Variants in THRB observed in about 807,000 individuals in gnomAD.
THRB encodes nuclear receptor subfamily 1 group A member 2.
In THRB, 12 loss-of-function variants were observed where a neutral mutation model predicts 47.8. The ratio of observed to expected loss-of-function variants is 0.25; its 90% CI spans 0.16 to 0.41. The LOEUF (loss-of-function observed/expected upper bound fraction) is 0.41. Among genes scored for constraint, THRB ranks in the 10% least tolerant of loss-of-function variants. THRB has a pLI of 1.00. For synonymous variants in THRB, 218 were observed against 212.2 expected, an observed-to-expected ratio of 1.03 and a Z score of -0.24; for missense variants, 348 against 589.2, an observed-to-expected ratio of 0.59 and a Z score of 4.24.
intron 5 of THRB, chr3:24,165,290 T>C (rs1458723445): frequency 2.6e-6 from 2 of 765,170 alleles, no homozygotes; most frequent in Admixed American, 3.4e-5. Context: ...ATCAGTGGAC[T>C]GCATGTAGCA....
chr3:24,445,010 C>T (rs1464243183), intron 1 of THRB, among the ~76,000 whole-genome samples: 2 of 151,990 alleles, frequency 1.3e-5, no homozygotes, highest in African/African-American at 2.4e-5. Flanking sequence ...CAGAAACAGG[C>T]TATAATACAA....
intron 1 of THRB, among the ~76,000 whole-genome samples, chr3:24,384,238 A>G (rs2065916637): frequency 6.6e-6 from 1 of 152,148 alleles, no homozygotes. Flanking sequence ...ATACCTCTGC[A>G]GAATGAGCCC....
chr3:24,172,395 G>A (rs532778160), intron 5 of THRB, among the ~76,000 whole-genome samples: 83 of 152,162 alleles, frequency 5.5e-4, no homozygotes, highest in Admixed American at 1.3e-3. Context: ...GGCCTCTTGG[G>A]CTCTTGAATT....
intron 5 of THRB, among the ~76,000 whole-genome samples, chr3:24,164,851 C>G (rs1385314696): frequency 6.6e-6 from 1 of 152,194 alleles, no homozygotes; most frequent in Non-Finnish European, 1.5e-5. Flanking sequence ...GCTTGGAAAT[C>G]TTGATGTTCA....
intron 3 of THRB, among the ~76,000 whole-genome samples, chr3:24,241,987 C>T (rs1346089977): frequency 1.3e-5 from 2 of 152,152 alleles, no homozygotes; most frequent in Non-Finnish European, 2.9e-5. Context: ...AGTTAGCACA[C>T]TGATCAGTGC....
At chr3:24,443,294 T>C (rs1010355965) in intron 1 of THRB, among the ~76,000 whole-genome samples, 1 of 152,090 alleles carries the variant, frequency 6.6e-6, no homozygotes, top group African/African-American at 2.4e-5. Flanking sequence ...GAAAACAATC[T>C]GACAACAACA....
chr3:24,260,890 A>C (rs564283202), intron 3 of THRB, among the ~76,000 whole-genome samples: 1 of 152,336 alleles, frequency 6.6e-6, no homozygotes, highest in East Asian at 1.9e-4. Flanking sequence ...CACAGATCAG[A>C]CTTTACATCA....
intron 3 of THRB, among the ~76,000 whole-genome samples, chr3:24,260,744 C>T (rs1373949534): frequency 6.6e-6 from 1 of 152,230 alleles, no homozygotes; most frequent in African/African-American, 2.4e-5. Flanking sequence ...AACAACTTCC[C>T]TCCAGTCTTC....
At chr3:24,234,893 T>C (rs772401634) in intron 3 of THRB, among the ~76,000 whole-genome samples, 2 of 152,062 alleles carry the variant, frequency 1.3e-5, no homozygotes. Context: ...ACACTGCAAA[T>C]GTAGTTTCAG....
At chr3:24,361,831 CAT>C (rs2064092980) in intron 1 of THRB, among the ~76,000 whole-genome samples, 1 of 152,208 alleles carries the variant, frequency 6.6e-6, no homozygotes, top group African/African-American at 2.4e-5. Flanking sequence ...AAATATACCA[CAT>C]GTTGAATTTG....
chr3:24,272,032 G>T (rs944830876), intron 3 of THRB, among the ~76,000 whole-genome samples: 11 of 152,130 alleles, frequency 7.2e-5, no homozygotes, highest in African/African-American at 2.7e-4. Flanking sequence ...GGATGGATAG[G>T]ATTGCGGACA....
At chr3:24,392,210 T>A (rs1208061539) in intron 1 of THRB, among the ~76,000 whole-genome samples, 1 of 152,168 alleles carries the variant, frequency 6.6e-6, no homozygotes, top group African/African-American at 2.4e-5. Context: ...TTTGGCTATT[T>A]TTTTCCCAGA....
intron 3 of THRB, among the ~76,000 whole-genome samples, chr3:24,283,334 A>T (rs1458341507): frequency 6.6e-6 from 1 of 152,310 alleles, no homozygotes; most frequent in African/African-American, 2.4e-5. Flanking sequence ...GACAAAAACC[A>T]CGTGATTATC....
At chr3:24,182,720 A>T (rs188665080) in intron 5 of THRB, among the ~76,000 whole-genome samples, 1 of 152,284 alleles carries the variant, frequency 6.6e-6, no homozygotes, top group East Asian at 1.9e-4. Context: ...CAGACGAGAA[A>T]ACTGAGGCTC....
intron 2 of THRB, among the ~76,000 whole-genome samples, chr3:24,314,210 G>T (rs1446568310): frequency 1.3e-5 from 2 of 152,198 alleles, no homozygotes; most frequent in African/African-American, 2.4e-5. Flanking sequence ...GAAGAAGCAG[G>T]TCTGCATCCA....
In THRB at chr3:24,357,623, T is replaced by C. The variant is rs1395031511; in HGVS notation, c.-260-20252A>G. Among the ~76,000 whole-genome samples, 9 of 152,186 alleles carry C rather than the reference T, an allele frequency of 5.9e-5. No individual in the cohort carries two copies. In the East Asian group the frequency reaches 1.7e-3, roughly 29 times the overall value. ...TTCATATTATAATGTTATCTATCTTTCTCATTTTGTTTGGCCCTTAATTTG... is the reference window on the plus strand; with the variant it reads ...TTCATATTATAATGTTATCTATCTTCCTCATTTTGTTTGGCCCTTAATTTG... On this transcript the variant is annotated intron_variant, in intron 1 of 10. Transcript: ENST00000646209.
chr3:24,149,607 ATGACT>A lies in THRB; in HGVS notation c.384+2778_384+2782del, dbSNP rs2036609028. On this transcript the variant is annotated intron_variant, in intron 6 of 10. Coordinates refer to ENST00000646209, the MANE Select transcript of THRB (RefSeq NM_001354712.2). ...CCATCTTTTCTGTGGCCTATCTCTGATGACTTGTCTTGGGCACTTCATGGACCAAA... is the reference window on the plus strand; with the variant it reads ...CCATCTTTTCTGTGGCCTATCTCTGATGTCTTGGGCACTTCATGGACCAAA... 3.3e-5 allele frequency among the ~76,000 whole-genome samples: 5 copies of A among 152,232 alleles called. No individual in the cohort carries two copies. In the South Asian group the frequency reaches 1.0e-3, roughly 31 times the overall value.
At chr3:24,453,671 C>G (rs2125563190) in intron 1 of THRB, among the ~76,000 whole-genome samples, 1 of 152,212 alleles carries the variant, frequency 6.6e-6, no homozygotes, top group South Asian at 2.1e-4. Flanking sequence ...TCCACAAAAC[C>G]ACTCAACTAC....
intron 3 of THRB, among the ~76,000 whole-genome samples, chr3:24,282,679 G>C (rs938678200): frequency 6.9e-6 from 1 of 145,940 alleles, no homozygotes; most frequent in African/African-American, 2.7e-5. Context: ...AAAATTGATA[G>C]ACCGCTAGCA....
Sources: allele counts gnomAD v4.1 joint callset (sites outside exome capture counted in the v4.1 genomes callset), GRCh38; gene constraint gnomAD v4.1.1; transcripts MANE v1.5; gene names NCBI Gene and HGNC (gene_info 2026-07-23, HGNC 2026-07-21).